TRIM51G: variants seen among roughly 807,000 people sequenced by gnomAD.
The protein encoded by TRIM51G is tripartite motif-containing protein 51G.
chr11:48,978,829 A>G, the TRIM51G span: 2 of 882,708 alleles, frequency 2.3e-6, no homozygotes, highest in Non-Finnish European at 3.9e-6. Context: ...ACACCCATCC[A>G]CTTGAATCTT....
chr11:48,981,885 C>T, the TRIM51G span, among the ~76,000 whole-genome samples: 1 of 152,152 alleles, frequency 6.6e-6, no homozygotes, highest in Non-Finnish European at 1.5e-5. Flanking sequence ...ATAGCAGACA[C>T]TACTGACTGG....
chr11:48,977,898 T>TTTTATTTATTTA, the TRIM51G span, among the ~76,000 whole-genome samples: 20 of 144,504 alleles, frequency 1.4e-4, no homozygotes, highest in African/African-American at 4.1e-4. Flanking sequence ...TCTCTTTCTT[T>TTTTATTTATTTA]TTTATTTATT....
the TRIM51G span, chr11:48,977,317 T>C: frequency 3.7e-6 from 2 of 539,796 alleles, no homozygotes; most frequent in South Asian, 3.9e-5. Context: ...TCATTTTCTT[T>C]TTCAAATTCA....
chr11:48,977,898 T>TTTTA, the TRIM51G span, among the ~76,000 whole-genome samples: 260 of 144,222 alleles, frequency 1.8e-3, 1 homozygote, highest in African/African-American at 4.5e-3. Flanking sequence ...TCTCTTTCTT[T>TTTTA]TTTATTTATT....
the TRIM51G span, among the ~76,000 whole-genome samples, chr11:48,977,387 T>C: frequency 0.8 from 121,209 of 152,142 alleles, 48,547 homozygotes; most frequent in Non-Finnish European, 0.81. Flanking sequence ...ACTGAGAATT[T>C]ATTCGGATCT....
the TRIM51G span, chr11:48,981,392 TCTC>T: frequency 3.7e-6 from 6 of 1,607,554 alleles, no homozygotes; most frequent in Non-Finnish European, 5.1e-6. Flanking sequence ...TCACAGAACA[TCTC>T]CTTTGTCTCT....
At chr11:48,979,211 A>C in the TRIM51G span, 2 of 570,008 alleles carry the variant, frequency 3.5e-6, no homozygotes, top group Non-Finnish European at 6.7e-6. Flanking sequence ...CGATCTTGTC[A>C]ATTCTCAGAT....
the TRIM51G span, among the ~76,000 whole-genome samples, chr11:48,980,299 C>T: frequency 6.6e-5 from 10 of 152,100 alleles, no homozygotes; most frequent in East Asian, 1.4e-3. Context: ...CTTCTCAAGT[C>T]CTTAGAGTTC....
chr11:48,982,302 T>C, the TRIM51G span, among the ~76,000 whole-genome samples: 7 of 152,130 alleles, frequency 4.6e-5, no homozygotes, highest in Non-Finnish European at 1.0e-4. Flanking sequence ...AATTAACTTC[T>C]TCTTTGGGCT....
At chr11:48,981,834 A>T in the TRIM51G span, 1 of 959,788 alleles carries the variant, frequency 1.0e-6, no homozygotes, top group Non-Finnish European at 1.6e-6. Context: ...CCTCTGTAAC[A>T]AAAATGAAAA....
chr11:48,979,651 A>G, the TRIM51G span, among the ~76,000 whole-genome samples: 20 of 152,152 alleles, frequency 1.3e-4, 1 homozygote, highest in East Asian at 2.7e-3. Flanking sequence ...ATTACTGCAC[A>G]TGCTGTTTTC....
At chr11:48,981,210 C>G in the TRIM51G span, 1 of 1,578,670 alleles carries the variant, frequency 6.3e-7, no homozygotes, top group Non-Finnish European at 8.7e-7. Context: ...TGGCATCATC[C>G]AATCTCGAAG....
At chr11:48,977,581 C>T in the TRIM51G span, among the ~76,000 whole-genome samples, 1 of 152,128 alleles carries the variant, frequency 6.6e-6, no homozygotes, top group South Asian at 2.1e-4. Context: ...TTGAAACGTG[C>T]TCCAGGCAGG....
At chr11:48,982,050 T>C in the TRIM51G span, among the ~76,000 whole-genome samples, 1 of 152,098 alleles carries the variant, frequency 6.6e-6, no homozygotes, top group Non-Finnish European at 1.5e-5. Context: ...ATCAAATAAC[T>C]ACTGAATGAC....
At chr11:48,980,242 A>C in the TRIM51G span, among the ~76,000 whole-genome samples, 1 of 152,096 alleles carries the variant, frequency 6.6e-6, no homozygotes. Context: ...ATTAGATATC[A>C]TACCCTCAAT....
At chr11:48,981,326 G>A in the TRIM51G span, 1 of 1,606,648 alleles carries the variant, frequency 6.2e-7, no homozygotes, top group Non-Finnish European at 8.5e-7. Context: ...CAGTGTCTGT[G>A]ATTCCGGTGC....
the TRIM51G span, chr11:48,981,202 G>T: frequency 6.4e-7 from 1 of 1,566,342 alleles, no homozygotes; most frequent in East Asian, 2.3e-5. Flanking sequence ...CACAGAGATG[G>T]CATCATCCAA....
the TRIM51G span, among the ~76,000 whole-genome samples, chr11:48,982,429 T>C: frequency 6.6e-6 from 1 of 152,090 alleles, no homozygotes; most frequent in Non-Finnish European, 1.5e-5. Flanking sequence ...AAATAATACA[T>C]GGAGAATTGG....
the TRIM51G span, chr11:48,978,885 A>G: frequency 6.9e-7 from 1 of 1,458,464 alleles, no homozygotes; most frequent in Non-Finnish European, 9.6e-7. Context: ...GAATAGCTCC[A>G]CAACTGCTTT....
Sources: gnomAD v4.1 joint callset for allele counts (sites outside exome capture counted in the v4.1 genomes callset) on GRCh38, gnomAD v4.1.1 for gene constraint, MANE v1.5 for transcripts, NCBI Gene and HGNC (gene_info 2026-07-23, HGNC 2026-07-21) for gene names.